The following CWF19L2 variants were observed in gnomAD, a reference collection of about 807,000 sequenced individuals.
CWF19L2 encodes the protein CWF19 like cell cycle control factor 2, also known as CWF19-like protein 2.
CWF19L2 carries 98 observed loss-of-function variants against 111.7 expected under a neutral mutation model. That is an observed-to-expected ratio of 0.88 (90% CI 0.75 to 1.04). The LOEUF (loss-of-function observed/expected upper bound fraction) is 1.04, where lower values mean the gene tolerates loss of function less well. CWF19L2 is among the 50% of genes least tolerant of loss of function. The probability of loss-of-function intolerance (pLI) is 0.00; values close to 1 mark genes in which losing one functional copy is unlikely to be tolerated. For synonymous variants in CWF19L2, 351 were observed against 342.9 expected, an observed-to-expected ratio of 1.02 and a Z score of -0.26; for missense variants, 1,101 against 1,051.4, an observed-to-expected ratio of 1.05 and a Z score of -0.65.
At chr11:107,444,587 C>T (rs910942839) in intron 3 of CWF19L2, among the ~76,000 whole-genome samples, 1 of 152,162 alleles carries the variant, frequency 6.6e-6, no homozygotes, top group African/African-American at 2.4e-5. Context: ...ATTCTGATCG[C>T]CTGAACTACA....
chr11:107,330,412 G>A (rs1342312773), intron 16 of CWF19L2, among the ~76,000 whole-genome samples: 4 of 152,034 alleles, frequency 2.6e-5, no homozygotes, highest in Non-Finnish European at 1.5e-5. Context: ...GAGGGACCTT[G>A]CACATACTTA....
intron 14 of CWF19L2, among the ~76,000 whole-genome samples, chr11:107,337,935 C>CA (rs148712784): frequency 0.27 from 40,486 of 151,898 alleles, 5,636 homozygotes; most frequent in Non-Finnish European, 0.31. Context: ...TCAGTTTCCC[C>CA]AAGGTAACAT....
rs1310264505 is a variant in CWF19L2 at position 107,433,657 on chromosome 11, C to T, written c.757G>A (p.Asp253Asn). The T allele has an allele frequency of 1.9e-6, 3 of 1,572,458 alleles. No homozygotes were observed. Among genetic ancestry groups the T allele is most frequent in the East Asian group, 2.4e-5 (1 of 42,312 alleles). ...QAEKQSRNFE[D>N]IVAERYGSME... ...ACCCCATATCTTTCGGCTACAATGT[C>T]CTCAAAGTTTCTACTTTGTTTCTCA... The change falls in exon 7 of 18, where the codon GAC becomes AAC. Residue 253 changes from aspartate to asparagine, a missense_variant. Transcript: ENST00000282251.
intron 16 of CWF19L2, among the ~76,000 whole-genome samples, chr11:107,332,456 C>CTTCT (rs1859863421): frequency 1.1e-4 from 16 of 151,844 alleles, no homozygotes; most frequent in African/African-American, 2.9e-4. Flanking sequence ...GAGAAGCTTA[C>CTTCT]CTTCATACAG....
chr11:107,438,275 C>A (rs1337706593), intron 6 of CWF19L2, among the ~76,000 whole-genome samples: 1 of 152,170 alleles, frequency 6.6e-6, no homozygotes, highest in Non-Finnish European at 1.5e-5. Flanking sequence ...GTCAGCACAA[C>A]ACTTAATGGG....
chr11:107,376,125 G>C (rs1380617536), intron 12 of CWF19L2, among the ~76,000 whole-genome samples: 27 of 124,998 alleles, frequency 2.2e-4, no homozygotes, highest in East Asian at 7.3e-4. Context: ...ATAATCAATA[G>C]CTTACCAATG....
At chr11:107,351,289 G>A (rs1355792731) in intron 13 of CWF19L2, among the ~76,000 whole-genome samples, 2 of 152,136 alleles carry the variant, frequency 1.3e-5, no homozygotes, top group Non-Finnish European at 2.9e-5. Flanking sequence ...AGGAGTGAGG[G>A]AAAGTAAAGG....
At chr11:107,454,693 ACCAAG>A in intron 2 of CWF19L2, 121 bp from the exon 3 acceptor site, 1 of 566,274 alleles carries the variant, frequency 1.8e-6, no homozygotes. Context: ...ATGAAATAAG[ACCAAG>A]AATATGTCTA....
chr11:107,422,774 T>C (rs918056517), intron 8 of CWF19L2, among the ~76,000 whole-genome samples: 5 of 152,026 alleles, frequency 3.3e-5, no homozygotes, highest in Non-Finnish European at 5.9e-5. Flanking sequence ...AAACATGACC[T>C]ACCAACAATA....
intron 10 of CWF19L2, among the ~76,000 whole-genome samples, chr11:107,399,429 T>C (rs1860969401): frequency 6.6e-6 from 1 of 152,284 alleles, no homozygotes; most frequent in South Asian, 2.1e-4. Context: ...GCTATTCTTA[T>C]ATCAGACAAA....
At chr11:107,446,556 C>G (rs1591210372) in intron 3 of CWF19L2, among the ~76,000 whole-genome samples, 1 of 152,106 alleles carries the variant, frequency 6.6e-6, no homozygotes, top group Non-Finnish European at 1.5e-5. Flanking sequence ...ATAAAGCCAA[C>G]ATCTTCTTCT....
chr11:107,418,355 C>T (rs1026224522), intron 8 of CWF19L2, 68 bp from the exon 9 acceptor site: 1 of 987,960 alleles, frequency 1.0e-6, no homozygotes, highest in African/African-American at 1.6e-5. Flanking sequence ...CATCAAGACT[C>T]AAATGTTATT....
intron 13 of CWF19L2, among the ~76,000 whole-genome samples, chr11:107,350,136 T>G (rs192945058): frequency 6.0e-4 from 92 of 152,238 alleles, no homozygotes; most frequent in Non-Finnish European, 9.9e-4. Context: ...CCTAAATAAA[T>G]TAGAACACAC....
chr11:107,355,251 A>T (rs1038496128), intron 12 of CWF19L2, among the ~76,000 whole-genome samples: 2 of 152,076 alleles, frequency 1.3e-5, no homozygotes, highest in African/African-American at 4.8e-5. Context: ...CCCCGTCTTT[A>T]CTAAAAATAC....
intron 6 of CWF19L2, among the ~76,000 whole-genome samples, chr11:107,437,553 A>T (rs1272501773): frequency 6.6e-6 from 1 of 152,238 alleles, no homozygotes; most frequent in East Asian, 1.9e-4. Context: ...TCTTAGCCTC[A>T]GAAAGACAGA....
chr11:107,442,878 G>GAGGGAGGA (rs1565287525), intron 4 of CWF19L2, 61 bp downstream of exon 4: 1 of 597,098 alleles, frequency 1.7e-6, no homozygotes, highest in Non-Finnish European at 2.6e-6. Flanking sequence ...AGGAGGGAGG[G>GAGGGAGGA]AGGGAGGAAG....
intron 3 of CWF19L2, 128 bp downstream of exon 3, chr11:107,454,322 C>G: frequency 1.5e-6 from 1 of 684,362 alleles, no homozygotes; most frequent in Non-Finnish European, 2.1e-6. Context: ...AGATGTATCC[C>G]AGATATTTTC....
chr11:107,417,278 C>T (rs144128146), intron 9 of CWF19L2, among the ~76,000 whole-genome samples: 419 of 152,254 alleles, frequency 2.8e-3, no homozygotes, highest in African/African-American at 9.2e-3. Flanking sequence ...ATATATACAT[C>T]TCACTGTATA....
At chr11:107,334,985 T>G in intron 15 of CWF19L2, 24 bp from the exon 16 acceptor site, 1 of 1,443,730 alleles carries the variant, frequency 6.9e-7, no homozygotes, top group Non-Finnish European at 9.7e-7. Context: ...ATTTGTTAAG[T>G]GAAAAAAGAA....
Sources: allele counts gnomAD v4.1 joint callset (sites outside exome capture counted in the v4.1 genomes callset), GRCh38; gene constraint gnomAD v4.1.1; transcripts MANE v1.5; gene names NCBI Gene and HGNC (gene_info 2026-07-23, HGNC 2026-07-21).